Variants in MCC observed in about 807,000 individuals in gnomAD.
MCC encodes the protein MCC regulator of Wnt signaling pathway, also known as colorectal mutant cancer protein.
MCC carries 90 observed loss-of-function variants against 116.2 expected under a neutral mutation model. The observed-to-expected ratio is 0.77, with a 90% CI of 0.65 to 0.92. MCC has a LOEUF of 0.92. Among genes scored for constraint, MCC ranks in the 40% least tolerant of loss-of-function variants. The pLI, the probability that MCC is intolerant of heterozygous loss-of-function variation, is 0.00. For synonymous variants in MCC, 578 were observed against 510.5 expected (o/e 1.13, Z -1.78); for missense variants, 1,516 against 1,312.2 (o/e 1.16, Z -2.40).
intron 3 of MCC, among the ~76,000 whole-genome samples, chr5:113,317,122 G>T (rs1303266080): frequency 6.6e-6 from 1 of 152,204 alleles, no homozygotes; most frequent in African/African-American, 2.4e-5. Context: ...CTTAAAGCGG[G>T]ATACCAGGTT....
At chr5:113,224,563 T>G (rs1763665593) in intron 3 of MCC, among the ~76,000 whole-genome samples, 1 of 152,176 alleles carries the variant, frequency 6.6e-6, no homozygotes, top group Non-Finnish European at 1.5e-5. Flanking sequence ...AACAGCACTG[T>G]GGGAAGATCA....
chr5:113,087,207 T>C (rs1439251339), intron 8 of MCC, among the ~76,000 whole-genome samples: 4 of 152,216 alleles, frequency 2.6e-5, no homozygotes, highest in African/African-American at 7.2e-5. Flanking sequence ...CCAAAAGTAA[T>C]TGAAATTTCA....
chr5:113,066,861 C>G (rs917960097), intron 13 of MCC, among the ~76,000 whole-genome samples: 2 of 152,210 alleles, frequency 1.3e-5, no homozygotes, highest in Non-Finnish European at 2.9e-5. Context: ...CTGGCCTGCC[C>G]ACACCATCCA....
intron 3 of MCC, among the ~76,000 whole-genome samples, chr5:113,279,831 T>G (rs1765967851): frequency 6.6e-6 from 1 of 152,238 alleles, no homozygotes. Flanking sequence ...ACAGTTTTGT[T>G]GTATTAAAGG....
intron 6 of MCC, among the ~76,000 whole-genome samples, chr5:113,113,879 G>A (rs1252817167): frequency 6.6e-6 from 1 of 152,036 alleles, no homozygotes; most frequent in Non-Finnish European, 1.5e-5. Flanking sequence ...CTGGATCTGG[G>A]ACTAAACAAA....
At chr5:113,085,390 G>T in intron 8 of MCC, 80 bp from the exon 9 acceptor site, 1 of 1,407,748 alleles carries the variant, frequency 7.1e-7, no homozygotes, top group South Asian at 1.3e-5. Flanking sequence ...AGGTGGTGGG[G>T]CTTTCATTTA....
intron 3 of MCC, among the ~76,000 whole-genome samples, chr5:113,154,348 C>T (rs993695791): frequency 2.0e-5 from 3 of 152,186 alleles, no homozygotes; most frequent in Admixed American, 6.5e-5. Context: ...ACAATTACTC[C>T]GCAGAGGCTA....
intron 1 of MCC, among the ~76,000 whole-genome samples, chr5:113,422,084 A>G (rs1770351500): frequency 6.6e-6 from 1 of 152,242 alleles, no homozygotes; most frequent in African/African-American, 2.4e-5. Flanking sequence ...TAATTCAGTC[A>G]GTGCTGTGTT....
At chr5:113,091,017 G>A (rs986215601) in intron 8 of MCC, among the ~76,000 whole-genome samples, 8 of 152,182 alleles carry the variant, frequency 5.3e-5, no homozygotes, top group South Asian at 2.1e-4. Flanking sequence ...GATGGAGGGC[G>A]CCTGCTAGTC....
Position 113,440,167 on chromosome 5 carries a change from A to T in MCC, c.170+48078T>A, listed in dbSNP as rs192844540. Among the ~76,000 whole-genome samples, 271 of 152,218 alleles carry T rather than the reference A, an allele frequency of 1.8e-3. 3 individuals carry two copies. The highest frequency in any genetic ancestry group is 3.4e-3 in the Middle Eastern group (1 of 294). ...TGAAAGTGCCCTTACTGGTCTCTCT[A>T]CTTCCAGTCTGGCATTTCTCCTCAT... On this transcript the variant is annotated intron_variant, in intron 1 of 18. Transcript: ENST00000408903.
chr5:113,350,533 A>G (rs1768243474), intron 2 of MCC, among the ~76,000 whole-genome samples: 1 of 152,100 alleles, frequency 6.6e-6, no homozygotes, highest in Admixed American at 6.6e-5. Flanking sequence ...ATATACAAAA[A>G]TCAAAATAGA....
chr5:113,126,538 G>A (rs1335486281), intron 5 of MCC, among the ~76,000 whole-genome samples: 1 of 151,944 alleles, frequency 6.6e-6, no homozygotes, highest in Non-Finnish European at 1.5e-5. Context: ...CTGGAAATTT[G>A]TGACAACTTG....
intron 3 of MCC, among the ~76,000 whole-genome samples, chr5:113,314,540 A>T (rs1767230299): frequency 6.6e-6 from 1 of 152,208 alleles, no homozygotes; most frequent in Non-Finnish European, 1.5e-5. Context: ...TCCAAGAAGG[A>T]GTTTCAGGGG....
chr5:113,294,640 G>A (rs1473480862), intron 3 of MCC: 1 of 1,117,110 alleles, frequency 9.0e-7, no homozygotes, highest in African/African-American at 1.6e-5. Context: ...CTGCGGCAGC[G>A]GCGGAGCCCG....
At chr5:113,365,514 C>A (rs554323043) in intron 2 of MCC, among the ~76,000 whole-genome samples, 1 of 152,294 alleles carries the variant, frequency 6.6e-6, no homozygotes, top group East Asian at 1.9e-4. Context: ...CTATCTTCTT[C>A]TAAGCCCTCC....
At chr5:113,416,909 AT>A (rs1473621684) in intron 1 of MCC, among the ~76,000 whole-genome samples, 6 of 150,798 alleles carry the variant, frequency 4.0e-5, no homozygotes, top group Admixed American at 3.3e-4. Flanking sequence ...TTGGTCAATA[AT>A]TTTATTTACG....
chr5:113,444,569 T>C (rs1353227696), intron 1 of MCC, among the ~76,000 whole-genome samples: 1 of 152,192 alleles, frequency 6.6e-6, no homozygotes, highest in Admixed American at 6.5e-5. Context: ...TTGAGAACAA[T>C]TAAGGGAAGG....
In MCC at chr5:113,434,894, T is replaced by A. The variant is rs993484697; in HGVS notation, c.171-49682A>T. ...CTGCCCTCTACAGCCCCGAGGCGCA[T>A]GGGCCAGCAGTGTGCTCATTTACAT... is the stretch of plus-strand genomic sequence containing the variant. On this transcript the variant is annotated intron_variant, in intron 1 of 18. Transcript: ENST00000408903. The surrounding 1 kb of genome is among the most constrained non-coding windows in gnomAD (Gnocchi z 4.2). 2 of 1,560,708 alleles carry A rather than the reference T, an allele frequency of 1.3e-6. No individual in the cohort carries two copies. Among genetic ancestry groups the A allele is most frequent in the African/African-American group, 2.7e-5 (2 of 73,506 alleles).
intron 3 of MCC, among the ~76,000 whole-genome samples, chr5:113,257,102 G>T (rs926183189): frequency 1.3e-5 from 2 of 152,064 alleles, no homozygotes; most frequent in Non-Finnish European, 2.9e-5. Flanking sequence ...TATCAGTGAA[G>T]ATTAGCAGAA....
Sources: gnomAD v4.1 joint callset for allele counts (sites outside exome capture counted in the v4.1 genomes callset) on GRCh38, gnomAD v4.1.1 for gene constraint, Gnocchi (gnomAD v3.1) non-coding constraint, MANE v1.5 for transcripts, NCBI Gene and HGNC (gene_info 2026-07-23, HGNC 2026-07-21) for gene names.